The following UGT1A3 variants were observed in gnomAD, a reference collection of about 807,000 sequenced individuals.
The protein encoded by UGT1A3 is UDP glucuronosyltransferase family 1 member A3, also known as UDP-glucuronosyltransferase 1A3.
UGT1A3 carries 31 observed loss-of-function variants against 41.0 expected under a neutral mutation model. That is an observed-to-expected ratio of 0.76 (90% CI 0.57 to 1.02). UGT1A3 has a LOEUF of 1.02. Among genes scored for constraint, UGT1A3 ranks in the 50% least tolerant of loss-of-function variants. UGT1A3 has a pLI of 0.00. For synonymous variants in UGT1A3, 262 were observed against 257.6 expected, an observed-to-expected ratio of 1.02 and a Z score of -0.17; for missense variants, 737 against 671.0, an observed-to-expected ratio of 1.10 and a Z score of -1.09.
intron 1 of UGT1A3, among the ~76,000 whole-genome samples, chr2:233,762,541 G>A (rs1437791654): frequency 6.6e-6 from 1 of 152,290 alleles, no homozygotes; most frequent in African/African-American, 2.4e-5. Flanking sequence ...GTGTACCACA[G>A]TGTATTCTGC....
chr2:233,747,689 A>G lies in UGT1A3; in HGVS notation c.867+17696A>G, dbSNP rs552388790. The stretch of plus-strand genomic sequence containing the variant: ...TAGACCCAATTTACCTCTGTGGGGC[A>G]GTGCTGGCTAAGTACCTATCAATTC... On this transcript the variant is annotated intron_variant, in intron 1 of 4. Transcript: ENST00000482026. 1.1e-5 allele frequency: 18 copies of G among 1,609,782 alleles called. No homozygotes were observed. In the Middle Eastern group the frequency reaches 5.0e-4, roughly 44 times the overall value.
intron 1 of UGT1A3, among the ~76,000 whole-genome samples, chr2:233,763,416 A>T (rs1484402572): frequency 6.6e-6 from 1 of 152,224 alleles, no homozygotes; most frequent in Non-Finnish European, 1.5e-5. Flanking sequence ...TTTTTAATCC[A>T]GTCAGGCAGT....
rs569949528 is a variant in UGT1A3, at chr2:233,742,141, C to T, written c.867+12148C>T. ...GGTCGTGGAGACCCTAACCCAGCAG[C>T]GCTAGACGAATTAAAGACACACACA... On this transcript the variant is annotated intron_variant, in intron 1 of 4. Transcript: ENST00000482026. 6.5e-4 allele frequency among the ~76,000 whole-genome samples: 99 copies of T among 151,946 alleles called. No homozygotes were observed. The South Asian group carries it at 0.02, about 31-fold the overall frequency.
chr2:233,751,768 A>C lies in UGT1A3; in HGVS notation c.868-15266A>C, dbSNP rs142654727. Among the ~76,000 whole-genome samples, 1,484 of 152,208 alleles carry C rather than the reference A, an allele frequency of 9.7e-3. 20 individuals carry two copies. The highest frequency in any genetic ancestry group is 0.034 in the African/African-American group (1,414 of 41,516). On this transcript the variant is annotated intron_variant, in intron 1 of 4. Coordinates refer to ENST00000482026, the MANE Select transcript of UGT1A3 (RefSeq NM_019093.4). ...CTTGCTTGCTGCCATGTGAGACATGACTTTGCTTATCTCTCACCTTCTGTC... is the reference window on the plus strand; with the variant it reads ...CTTGCTTGCTGCCATGTGAGACATGCCTTTGCTTATCTCTCACCTTCTGTC...
In UGT1A3 at chr2:233,729,663, T is replaced by C. The variant is rs137893400; in HGVS notation, c.537T>C (p.Asp179=). ...TVFFLRNIPC[D]LDFKGTQCPN... Reference sequence around the variant, plus strand: ...TTTTTTTGAGGAACATTCCATGTGATTTAGACTTTAAGGGCACACAGTGTC... The same window carrying C: ...TTTTTTTGAGGAACATTCCATGTGACTTAGACTTTAAGGGCACACAGTGTC... The change falls in exon 1 of 5, where the codon GAT becomes GAC. Residue 179 remains aspartate (D), a synonymous_variant. Coordinates refer to ENST00000482026, the MANE Select transcript of UGT1A3 (RefSeq NM_019093.4). The C allele has an allele frequency of 8.2e-4, 1,316 of 1,613,944 alleles. No individual in the cohort carries two copies. Among genetic ancestry groups the C allele is most frequent in the Non-Finnish European group, 1.0e-3 (1,222 of 1,179,854 alleles).
Position 233,761,136 on chromosome 2 carries a change from A to G in UGT1A3, c.868-5898A>G, listed in dbSNP as rs142418984. On this transcript the variant is annotated intron_variant, in intron 1 of 4. Coordinates refer to ENST00000482026, the MANE Select transcript of UGT1A3 (RefSeq NM_019093.4). ...TTGGTGGAATCAACTGCCTTCACCA[A>G]AATCCACTATCCCAGGTGTGTATTG... 13 of 1,614,222 alleles carry G rather than the reference A, an allele frequency of 8.1e-6. No individual in the cohort carries two copies. The highest frequency in any genetic ancestry group is 1.1e-5 in the Non-Finnish European group (13 of 1,180,048).
At chr2:233,736,971 T>A (rs1183929377) in intron 1 of UGT1A3, among the ~76,000 whole-genome samples, 4 of 152,178 alleles carry the variant, frequency 2.6e-5, no homozygotes, top group Non-Finnish European at 5.9e-5. Flanking sequence ...GGGAGGTGTT[T>A]CCCAGTCAAG....
chr2:233,760,535 T>G (rs1425697704), intron 1 of UGT1A3: 1 of 1,614,120 alleles, frequency 6.2e-7, no homozygotes, highest in African/African-American at 1.3e-5. Context: ...CCTGTGCCAT[T>G]CCAAAGGGAG....
rs867393133 is a variant in UGT1A3 at position 233,772,500 on chromosome 2, C to T, written c.1546C>T (p.Arg516Trp). ...CTTTAAATGTTGTGCTTATGGCTACCGGAAATGCTTGGGGAAAAAAGGGCG... is the reference window on the plus strand; with the variant it reads ...CTTTAAATGTTGTGCTTATGGCTACTGGAAATGCTTGGGGAAAAAAGGGCG... ...ITFKCCAYGY[R>W]KCLGKKGRVK... Residue 516 changes from arginine (R) to tryptophan (W), a missense_variant, in exon 5 of 5, where the codon CGG becomes TGG. Arg to Trp is a moderately radical substitution (Grantham distance 101). Coordinates refer to ENST00000482026, the MANE Select transcript of UGT1A3 (RefSeq NM_019093.4). 25 of 1,614,078 alleles carry T rather than the reference C, an allele frequency of 1.5e-5. No homozygotes were observed. Among genetic ancestry groups the T allele is most frequent in the African/African-American group, 8.0e-5 (6 of 74,994 alleles).
intron 1 of UGT1A3, among the ~76,000 whole-genome samples, chr2:233,736,610 A>G (rs2078784118): frequency 6.6e-6 from 1 of 152,034 alleles, no homozygotes; most frequent in Non-Finnish European, 1.5e-5. Context: ...TGGTTTTTAG[A>G]ATTTTCAGCT....
At chr2:233,746,034 G>A (rs1246019624) in intron 1 of UGT1A3, among the ~76,000 whole-genome samples, 1 of 151,740 alleles carries the variant, frequency 6.6e-6, no homozygotes, top group East Asian at 1.9e-4. Flanking sequence ...GCACTTACTT[G>A]CTGGCTTGGA....
rs767614546 is a variant in UGT1A3, at chr2:233,729,199, T to G, written c.73T>G (p.Trp25Gly). Residue 25 changes from tryptophan to glycine, a missense_variant, in exon 1 of 5, where the codon TGG (tryptophan) becomes GGG (glycine). By Grantham distance (184) the Trp-to-Gly change is radical. Coordinates refer to ENST00000482026, the MANE Select transcript of UGT1A3 (RefSeq NM_019093.4). ...GLLLLLSVQP[W>G]AESGKVLVVP... is the part of the protein sequence containing the mutation. ...GCTGCTTCTCCTCAGTGTCCAGCCC[T>G]GGGCTGAGAGTGGAAAGGTGTTGGT... 1 of 1,614,000 alleles carries G rather than the reference T, an allele frequency of 6.2e-7. No individual in the cohort carries two copies. The highest frequency in any genetic ancestry group is 8.5e-7 in the Non-Finnish European group (1 of 1,179,918).
chr2:233,753,155 C>T (rs1695142736), intron 1 of UGT1A3: 2 of 152,204 alleles, frequency 1.3e-5, no homozygotes, highest in Admixed American at 6.5e-5. Flanking sequence ...TGTAAGTTCC[C>T]TTATCCGGAT....
chr2:233,752,072 T>C (rs1694888603), intron 1 of UGT1A3, among the ~76,000 whole-genome samples: 1 of 152,194 alleles, frequency 6.6e-6, no homozygotes, highest in Non-Finnish European at 1.5e-5. Flanking sequence ...GATGGGGAAG[T>C]CTCTCTACCT....
At chr2:233,730,071 T>C in intron 1 of UGT1A3, 78 bp downstream of exon 1, 2 of 1,609,386 alleles carry the variant, frequency 1.2e-6, no homozygotes, top group Non-Finnish European at 1.7e-6. Context: ...TAAAATTGCT[T>C]CCATATTTAC....
intron 1 of UGT1A3, among the ~76,000 whole-genome samples, chr2:233,745,590 G>A (rs565744032): frequency 1.3e-5 from 2 of 151,664 alleles, no homozygotes; most frequent in Admixed American, 6.5e-5. Context: ...CCTGAGACCC[G>A]GACTTGGCAC....
At chr2:233,768,524 T>C (rs1008769562) in intron 4 of UGT1A3, 85 bp downstream of exon 4, 5 of 1,531,904 alleles carry the variant, frequency 3.3e-6, no homozygotes, top group Non-Finnish European at 4.4e-6. Context: ...ACGTAGCATT[T>C]AATAGCGTTG....
chr2:233,769,464 CGTGT>C lies in UGT1A3; in HGVS notation c.1307+1037_1307+1040del, dbSNP rs145239529. ...GGGTGCACACGTGTGCATTCATATG[CGTGT>C]GTGTGTGTGTGCGTGTGTTTATGAG... On this transcript the variant is annotated intron_variant, in intron 4 of 4. Coordinates refer to ENST00000482026, the MANE Select transcript of UGT1A3 (RefSeq NM_019093.4). This position sits in a 1 kb window ranked among gnomAD's most constrained non-coding sequence, Gnocchi z 4.4. The C allele has an allele frequency of 5.3e-6, 8 of 1,502,902 alleles. No individual in the cohort carries two copies. The highest frequency in any genetic ancestry group is 6.4e-6 in the Non-Finnish European group (7 of 1,095,102). The allele number at this position is 1,502,902 out of a possible 1,614,324, so 93.1% of individuals were successfully genotyped here.
intron 1 of UGT1A3, among the ~76,000 whole-genome samples, chr2:233,734,195 T>C (rs2078497247): frequency 6.6e-6 from 1 of 152,310 alleles, no homozygotes; most frequent in African/African-American, 2.4e-5. Context: ...ATTGCCTCAA[T>C]TTCAGAGCCT....
Sources: allele counts gnomAD v4.1 joint callset (sites outside exome capture counted in the v4.1 genomes callset), GRCh38; gene constraint gnomAD v4.1.1; non-coding constraint Gnocchi (gnomAD v3.1); transcripts MANE v1.5; gene names NCBI Gene and HGNC (gene_info 2026-07-23, HGNC 2026-07-21).